TPCN1: variants seen among roughly 807,000 people sequenced by gnomAD.
TPCN1 encodes the protein two pore segment channel 1, also known as two pore channel protein 1.
TPCN1 carries 52 observed loss-of-function variants against 108.8 expected under a neutral mutation model. The ratio of observed to expected loss-of-function variants is 0.48; its 90% CI spans 0.38 to 0.60. The LOEUF (loss-of-function observed/expected upper bound fraction) is 0.60. Ranked by LOEUF, TPCN1 falls within the 20% of genes least tolerant of loss-of-function variation. TPCN1 has a pLI of 0.00. For missense variants in TPCN1, 806 were observed against 1,072.8 expected, an observed-to-expected ratio of 0.75 and a Z score of 3.47; for synonymous variants, 446 against 433.7, an observed-to-expected ratio of 1.03 and a Z score of -0.35.
chr12:113,261,168 T>C (rs1026424245), intron 3 of TPCN1, among the ~76,000 whole-genome samples: 8 of 152,050 alleles, frequency 5.3e-5, no homozygotes, highest in Non-Finnish European at 8.8e-5. Context: ...TGGGTGACAA[T>C]GCAAGACTCT....
At chr12:113,264,031 C>T (rs1955148113) in intron 3 of TPCN1, among the ~76,000 whole-genome samples, 1 of 152,154 alleles carries the variant, frequency 6.6e-6, no homozygotes, top group Admixed American at 6.5e-5. Context: ...GCGAGACCTT[C>T]ATTCCTGGTT....
chr12:113,298,490 G>C lies in TPCN1; in HGVS notation c.*2414G>C, dbSNP rs1956501470. 6.6e-6 allele frequency: 1 copy of C among 152,298 alleles called. No individual in the cohort carries two copies. 9.4% of individuals were successfully genotyped at this position (152,298 alleles called of 1,614,324 possible). A position where few individuals can be genotyped will look rare whatever the true frequency, so the allele number is the denominator to read the frequency against. ...ATTTTGTACGGATCACGGGAGCAAT[G>C]CTGTACGGTTTTGTACACTGGTGGT... is the stretch of plus-strand genomic sequence containing the variant. On this transcript the variant is annotated 3_prime_UTR_variant, in exon 28 of 28. Transcript: ENST00000335509.
chr12:113,291,844 C>CAAA, intron 24 of TPCN1, 30 bp from the exon 25 acceptor site: 1 of 1,587,530 alleles, frequency 6.3e-7, no homozygotes, highest in Non-Finnish European at 8.7e-7. Flanking sequence ...CCTCCCCTGC[C>CAAA]TCTGCCCCTC....
At chr12:113,286,667 G>A (rs546062919) in intron 18 of TPCN1, among the ~76,000 whole-genome samples, 2 of 152,322 alleles carry the variant, frequency 1.3e-5, no homozygotes, top group Non-Finnish European at 2.9e-5. Flanking sequence ...CCAGGGCTGC[G>A]GAGGCCAGGG....
At chr12:113,248,714 C>T (rs1376237550) in intron 2 of TPCN1, among the ~76,000 whole-genome samples, 1 of 152,146 alleles carries the variant, frequency 6.6e-6, no homozygotes, top group Admixed American at 6.5e-5. Context: ...TCCACGAGAC[C>T]CTCTGATCAA....
Position 113,272,962 on chromosome 12 carries a change from G to T in TPCN1, c.783+270G>T, listed in dbSNP as rs1045286205. Among the ~76,000 whole-genome samples, 4 of 152,196 alleles carry T rather than the reference G, an allele frequency of 2.6e-5. No individual in the cohort carries two copies. Among genetic ancestry groups the T allele is most frequent in the Non-Finnish European group, 4.4e-5 (3 of 68,030 alleles). ...TGGAATATTTTGGCAGAGGAGCAGT[G>T]GGGGAGAGCCAGGCGAATGGCCCAG... is the stretch of plus-strand genomic sequence containing the variant. On this transcript the variant is annotated intron_variant, in intron 8 of 27. Transcript: ENST00000335509. The surrounding 1 kb of genome is among the most constrained non-coding windows in gnomAD (Gnocchi z 4.1).
intron 1 of TPCN1, among the ~76,000 whole-genome samples, chr12:113,223,395 T>A (rs1343897495): frequency 6.7e-6 from 1 of 149,550 alleles, no homozygotes; most frequent in Non-Finnish European, 1.5e-5. Context: ...AACCTGCTGC[T>A]GTTTGCAAGT....
At chr12:113,240,769 G>A (rs1299390381) in intron 2 of TPCN1, among the ~76,000 whole-genome samples, 4 of 142,922 alleles carry the variant, frequency 2.8e-5, no homozygotes, top group African/African-American at 1.0e-4. Context: ...TTTTTTTGGA[G>A]ACAGAGTCTC....
chr12:113,292,286 A>G (rs904623643), intron 25 of TPCN1: 1 of 334,410 alleles, frequency 3.0e-6, no homozygotes, highest in African/African-American at 2.1e-5. Context: ...CTTCTTGGCT[A>G]TTTCTTCTGT....
chr12:113,297,269 AGAGGTC>A lies in TPCN1; in HGVS notation c.*1195_*1200del, dbSNP rs1956458323. ...CCTGCCACAGAGGCAGGGTCAGTGC[AGAGGTC>A]GCTTTGGTTCCGCTTCCCTGGGCCA... On this transcript the variant is annotated 3_prime_UTR_variant, in exon 28 of 28. Transcript: ENST00000335509. The surrounding 1 kb of genome is among the most constrained non-coding windows in gnomAD (Gnocchi z 4.4). The A allele has an allele frequency of 6.5e-6, 1 of 153,182 alleles. No individual in the cohort carries two copies. Among genetic ancestry groups the A allele is most frequent in the Non-Finnish European group, 1.5e-5 (1 of 68,300 alleles). The allele number at this position is 153,182 out of a possible 1,614,324, so 9.5% of individuals were successfully genotyped here.
rs1001802891 is a variant in TPCN1 at position 113,240,581 on chromosome 12, C to T, written c.112+13617C>T. Among the ~76,000 whole-genome samples the T allele has an allele frequency of 2.6e-5, 4 of 152,128 alleles. 1 individual carries two copies. Among genetic ancestry groups the T allele is most frequent in the Admixed American group, 2.6e-4 (4 of 15,268 alleles). On this transcript the variant is annotated intron_variant, in intron 2 of 27. Transcript: ENST00000335509. ...TTCTGCATTGAGGATGTGAACCTTT[C>T]CTCCGTTCTCACATTCTTCCGGTTC...
intron 2 of TPCN1, among the ~76,000 whole-genome samples, chr12:113,242,922 A>G (rs1361526999): frequency 6.6e-6 from 1 of 152,164 alleles, no homozygotes; most frequent in Admixed American, 6.5e-5. Context: ...ACGATCCTTC[A>G]TTACCTACTG....
At chr12:113,265,035 A>G (rs2136605176) in intron 3 of TPCN1, among the ~76,000 whole-genome samples, 1 of 152,258 alleles carries the variant, frequency 6.6e-6, no homozygotes, top group South Asian at 2.1e-4. Context: ...CATGTTGGCC[A>G]GGCCGGCCTC....
At position 113,260,627 on chromosome 12, in the gene TPCN1, G is replaced by A. The variant is rs868535096; in HGVS notation, c.237+135G>A. The A allele has an allele frequency of 8.4e-6, 10 of 1,188,550 alleles. No homozygotes were observed. The African/African-American group carries it at 9.8e-5, about 12-fold the overall frequency. 73.6% of individuals were successfully genotyped at this position (1,188,550 alleles called of 1,614,324 possible). A position where few individuals can be genotyped will look rare whatever the true frequency, so the allele number is the denominator to read the frequency against. ...GCTGCTGCTCGTGTGTGAGCTTCAG[G>A]TTCATAAGATGGGCTGACCTGACTG... On this transcript the variant is annotated intron_variant, in intron 3 of 27. Transcript: ENST00000335509.
intron 3 of TPCN1, among the ~76,000 whole-genome samples, chr12:113,265,914 T>A (rs1453577669): frequency 6.6e-6 from 1 of 152,194 alleles, no homozygotes; most frequent in African/African-American, 2.4e-5. Flanking sequence ...TCACCACACC[T>A]GGCTGTCTCT....
At chr12:113,228,538 C>T (rs1953557930) in intron 2 of TPCN1, among the ~76,000 whole-genome samples, 1 of 152,104 alleles carries the variant, frequency 6.6e-6, no homozygotes, top group South Asian at 2.1e-4. Context: ...TTGCTTGAGC[C>T]CAGGAAGGTT....
intron 14 of TPCN1, among the ~76,000 whole-genome samples, chr12:113,279,379 A>ATT (rs1955799780): frequency 4.1e-5 from 1 of 24,332 alleles, no homozygotes; most frequent in African/African-American, 1.9e-4. Flanking sequence ...ATATATATAT[A>ATT]TATATATATA....
chr12:113,290,911 G>A, intron 22 of TPCN1, 41 bp from the exon 23 acceptor site: 3 of 1,604,444 alleles, frequency 1.9e-6, no homozygotes, highest in East Asian at 2.2e-5. Context: ...ACTTTGAAGT[G>A]GGGTCTCATC....
chr12:113,244,559 C>T (rs1047589595), intron 2 of TPCN1: 135 of 985,260 alleles, frequency 1.4e-4, no homozygotes, highest in South Asian at 8.0e-4. Context: ...AAGAGCCAGC[C>T]GGCACAGAAG....
Sources: allele counts gnomAD v4.1 joint callset (sites outside exome capture counted in the v4.1 genomes callset), GRCh38; gene constraint gnomAD v4.1.1; non-coding constraint Gnocchi (gnomAD v3.1); transcripts MANE v1.5; gene names NCBI Gene and HGNC (gene_info 2026-07-23, HGNC 2026-07-21).